The following KLHL3 variants were observed in gnomAD, a reference collection of about 807,000 sequenced individuals.
The protein encoded by KLHL3 is kelch-like protein 3.
KLHL3 carries 19 observed loss-of-function variants against 70.5 expected under a neutral mutation model. The ratio of observed to expected loss-of-function variants is 0.27; its 90% CI spans 0.19 to 0.40. The LOEUF (loss-of-function observed/expected upper bound fraction) is 0.40, where lower values mean the gene tolerates loss of function less well. KLHL3 is among the 10% of genes least tolerant of loss of function. The pLI, the probability that KLHL3 is intolerant of heterozygous loss-of-function variation, is 1.00. For missense variants in KLHL3, 512 were observed against 771.1 expected (o/e 0.66, Z 3.98); for synonymous variants, 258 against 290.3 (o/e 0.89, Z 1.13).
chr5:137,644,180 T>C (rs1750985679), intron 8 of KLHL3, among the ~76,000 whole-genome samples: 1 of 152,142 alleles, frequency 6.6e-6, no homozygotes, highest in South Asian at 2.1e-4. Flanking sequence ...GCAATTCTCC[T>C]GCCTCAGCCT....
intron 6 of KLHL3, among the ~76,000 whole-genome samples, chr5:137,665,247 A>G (rs1490986887): frequency 6.6e-6 from 1 of 152,228 alleles, no homozygotes; most frequent in Non-Finnish European, 1.5e-5. Flanking sequence ...ATAAACCATA[A>G]TTAGATTATG....
At chr5:137,653,814 G>C (rs1751269020) in intron 8 of KLHL3, among the ~76,000 whole-genome samples, 1 of 152,182 alleles carries the variant, frequency 6.6e-6, no homozygotes, top group South Asian at 2.1e-4. Flanking sequence ...AATCACAGCA[G>C]CTTTATTTGT....
intron 2 of KLHL3, among the ~76,000 whole-genome samples, chr5:137,711,660 C>A (rs901371618): frequency 9.2e-5 from 14 of 152,198 alleles, no homozygotes; most frequent in Admixed American, 2.6e-4. Flanking sequence ...AGAACTGGCT[C>A]TTCCCCTAAC....
chr5:137,637,943 A>G (rs1750812035), intron 10 of KLHL3, among the ~76,000 whole-genome samples: 2 of 152,212 alleles, frequency 1.3e-5, no homozygotes, highest in Non-Finnish European at 2.9e-5. Flanking sequence ...GGCTGGAGGT[A>G]TAACAGCCAT....
intron 3 of KLHL3, among the ~76,000 whole-genome samples, chr5:137,701,914 G>A (rs1244785725): frequency 2.0e-5 from 3 of 152,344 alleles, no homozygotes; most frequent in Admixed American, 1.3e-4. Context: ...TGCATATCTT[G>A]TTAGCCCTTT....
chr5:137,644,317 G>T (rs534863523), intron 8 of KLHL3, among the ~76,000 whole-genome samples: 1 of 152,156 alleles, frequency 6.6e-6, no homozygotes, highest in Non-Finnish European at 1.5e-5. Flanking sequence ...TGATCCACTC[G>T]CCTCGGCCTC....
chr5:137,663,725 T>C (rs1479893857), intron 6 of KLHL3, among the ~76,000 whole-genome samples: 1 of 152,192 alleles, frequency 6.6e-6, no homozygotes, highest in African/African-American at 2.4e-5. Flanking sequence ...AACTCACGGA[T>C]ACAGAGTGCC....
Position 137,735,754 on chromosome 5 carries a change from C to T in KLHL3, c.-108G>A. 6.8e-7 allele frequency: 1 copy of T among 1,469,516 alleles called. No homozygotes were observed. The highest frequency in any genetic ancestry group is 1.7e-5 in the Admixed American group (1 of 59,848). 91.0% of individuals were successfully genotyped at this position (1,469,516 alleles called of 1,614,324 possible). ...GACCAGTGGGAAATCTGATCAGCAA[C>T]AGTGATTCAGCATGGCTGCAAGTGA... On this transcript the variant is annotated 5_prime_UTR_variant, in exon 1 of 15. Coordinates refer to ENST00000309755, the MANE Select transcript of KLHL3 (RefSeq NM_017415.3).
chr5:137,713,913 T>G (rs1481920297), intron 2 of KLHL3, among the ~76,000 whole-genome samples: 1 of 152,172 alleles, frequency 6.6e-6, no homozygotes, highest in East Asian at 1.9e-4. Flanking sequence ...TTAGGGTACA[T>G]GTGCACAACG....
At chr5:137,661,275 G>A (rs529156707) in intron 7 of KLHL3, 6 of 152,180 alleles carry the variant, frequency 3.9e-5, no homozygotes, top group African/African-American at 1.2e-4. Context: ...GCCTACATGT[G>A]TAAAAAAAGG....
intron 5 of KLHL3, among the ~76,000 whole-genome samples, chr5:137,690,113 G>A (rs1435529447): frequency 6.6e-6 from 1 of 152,190 alleles, no homozygotes; most frequent in Non-Finnish European, 1.5e-5. Context: ...GGATCACAAG[G>A]TCAGTAGATC....
rs1751487198 is a variant in KLHL3 at position 137,662,015 on chromosome 5, A to G, written c.653T>C (p.Ile218Thr). ...TTCTTTCTCATAATTGATCCATGAGATCACAGCTTCAAACACCTATAAAGA... is the reference window on the plus strand; with the variant it reads ...TTCTTTCTCATAATTGATCCATGAGGTCACAGCTTCAAACACCTATAAAGA... Reference protein sequence around the residue: ...SSEEKVFEAVISWINYEKETR... With the variant: ...SSEEKVFEAVTSWINYEKETR... The change falls in exon 7 of 15, where the codon ATC becomes ACC. Residue 218 changes from isoleucine (I) to threonine (T), a missense_variant. Transcript: ENST00000309755. The G allele has an allele frequency of 1.2e-6, 2 of 1,608,316 alleles. No homozygotes were observed. The highest frequency in any genetic ancestry group is 2.2e-5 in the East Asian group (1 of 44,846).
At chr5:137,629,616 C>T (rs1164537717) in intron 12 of KLHL3, 1 of 152,150 alleles carries the variant, frequency 6.6e-6, no homozygotes, top group East Asian at 1.9e-4. Flanking sequence ...TCCCTGTGCT[C>T]CACAGCAGTA....
intron 8 of KLHL3, among the ~76,000 whole-genome samples, chr5:137,651,688 C>CT (rs1751206314): frequency 1.3e-5 from 2 of 152,098 alleles, no homozygotes; most frequent in South Asian, 2.1e-4. Context: ...CCCCTACAAG[C>CT]TTTTTTGTAG....
At chr5:137,647,335 T>C (rs1751074587) in intron 8 of KLHL3, among the ~76,000 whole-genome samples, 1 of 152,162 alleles carries the variant, frequency 6.6e-6, no homozygotes, top group African/African-American at 2.4e-5. Flanking sequence ...ACCCTGTGTC[T>C]GAGAGCCATT....
intron 10 of KLHL3, among the ~76,000 whole-genome samples, chr5:137,638,081 C>T (rs539703535): frequency 1.3e-5 from 2 of 152,286 alleles, no homozygotes; most frequent in East Asian, 3.9e-4. Flanking sequence ...CAAAATCCCT[C>T]GTGTTTTAAG....
chr5:137,676,490 C>T (rs1323025796), intron 6 of KLHL3, among the ~76,000 whole-genome samples: 1 of 152,102 alleles, frequency 6.6e-6, no homozygotes, highest in Non-Finnish European at 1.5e-5. Context: ...CAGCTCAGAA[C>T]TAAATATGTA....
chr5:137,654,363 G>A (rs1002203164), intron 8 of KLHL3, among the ~76,000 whole-genome samples: 4 of 152,186 alleles, frequency 2.6e-5, no homozygotes, highest in African/African-American at 9.7e-5. Flanking sequence ...ACTTTGGAGT[G>A]AGACAGACCG....
chr5:137,625,370 GACA>G (rs1247103912), intron 14 of KLHL3, among the ~76,000 whole-genome samples: 2 of 152,126 alleles, frequency 1.3e-5, no homozygotes, highest in South Asian at 4.1e-4. Context: ...TTCGACCCTG[GACA>G]ACAACAATCG....
Sources: allele counts gnomAD v4.1 joint callset (sites outside exome capture counted in the v4.1 genomes callset), GRCh38; gene constraint gnomAD v4.1.1; transcripts MANE v1.5; gene names NCBI Gene and HGNC (gene_info 2026-07-23, HGNC 2026-07-21).